Variants in GPR158 observed in about 807,000 individuals in gnomAD.
GPR158 encodes the protein metabotropic glycine receptor.
Under a neutral mutation model 78.2 loss-of-function variants are expected in GPR158, and 30 were observed. That is an observed-to-expected ratio of 0.38 (90% CI 0.29 to 0.52). The LOEUF (loss-of-function observed/expected upper bound fraction) is 0.52. Ranked by LOEUF, GPR158 falls within the 20% of genes least tolerant of loss-of-function variation. GPR158 has a pLI of 0.83. For synonymous variants in GPR158, 581 were observed against 591.1 expected (o/e 0.98, Z 0.25); for missense variants, 1,463 against 1,523.5 (o/e 0.96, Z 0.66).
At chr10:25,548,254 A>G (rs981388663) in intron 5 of GPR158, among the ~76,000 whole-genome samples, 1 of 152,162 alleles carries the variant, frequency 6.6e-6, no homozygotes, top group African/African-American at 2.4e-5. Flanking sequence ...AGAGGCAACC[A>G]TACAGATAAC....
chr10:25,582,935 T>A (rs1837222622), intron 7 of GPR158, among the ~76,000 whole-genome samples: 1 of 152,194 alleles, frequency 6.6e-6, no homozygotes, highest in Non-Finnish European at 1.5e-5. Flanking sequence ...AATTGCTGCC[T>A]GGAAAAATAT....
rs527517598 is a variant in GPR158 at position 25,284,878 on chromosome 10, T to C, written c.1008+63721T>C. ...ACTGTTTCAATATAGTATAAATACT[T>C]TATAGCATTTTTTTCCTAATTACTT... On this transcript the variant is annotated intron_variant, in intron 2 of 10. Coordinates refer to ENST00000376351, the MANE Select transcript of GPR158 (RefSeq NM_020752.3). 2.9e-4 allele frequency among the ~76,000 whole-genome samples: 44 copies of C among 152,252 alleles called. No homozygotes were observed. The South Asian group carries it at 8.3e-3, about 29-fold the overall frequency.
intron 1 of GPR158, among the ~76,000 whole-genome samples, chr10:25,189,008 A>G (rs991520171): frequency 2.0e-5 from 3 of 152,242 alleles, no homozygotes; most frequent in African/African-American, 4.8e-5. Flanking sequence ...GAAGACATCT[A>G]TGCAGCCAAC....
At chr10:25,202,401 C>T (rs1852944304) in intron 1 of GPR158, among the ~76,000 whole-genome samples, 1 of 152,030 alleles carries the variant, frequency 6.6e-6, no homozygotes, top group African/African-American at 2.4e-5. Flanking sequence ...TATCTCTACC[C>T]ACTCCCGCCA....
At chr10:25,523,163 G>A (rs540426508) in intron 5 of GPR158, among the ~76,000 whole-genome samples, 2 of 152,282 alleles carry the variant, frequency 1.3e-5, no homozygotes, top group East Asian at 1.9e-4. Context: ...CCATGCACAA[G>A]GGTCAGATGG....
intron 5 of GPR158, among the ~76,000 whole-genome samples, chr10:25,489,538 A>C (rs924214256): frequency 3.3e-5 from 5 of 152,172 alleles, no homozygotes; most frequent in African/African-American, 1.2e-4. Flanking sequence ...AAAGAATACA[A>C]AGGTTTCACA....
At chr10:25,556,532 C>T (rs1228512563) in intron 6 of GPR158, among the ~76,000 whole-genome samples, 1 of 152,168 alleles carries the variant, frequency 6.6e-6, no homozygotes, top group Non-Finnish European at 1.5e-5. Flanking sequence ...TCTTTACTGG[C>T]TGCCTACTCT....
intron 5 of GPR158, among the ~76,000 whole-genome samples, chr10:25,548,467 A>G (rs971450827): frequency 6.6e-6 from 1 of 152,206 alleles, no homozygotes; most frequent in East Asian, 1.9e-4. Context: ...TTGAATACTC[A>G]TTGTACCAGG....
chr10:25,421,998 G>A (rs1834758385), intron 4 of GPR158, among the ~76,000 whole-genome samples: 1 of 152,094 alleles, frequency 6.6e-6, no homozygotes, highest in Admixed American at 6.6e-5. Context: ...TTGCTTTTGA[G>A]TTCTGACTTT....
intron 2 of GPR158, among the ~76,000 whole-genome samples, chr10:25,251,457 G>T (rs1853798610): frequency 6.6e-6 from 1 of 151,900 alleles, no homozygotes; most frequent in Non-Finnish European, 1.5e-5. Flanking sequence ...GGTACTGGTT[G>T]TTCCTTTCCA....
intron 2 of GPR158, among the ~76,000 whole-genome samples, chr10:25,327,684 T>C (rs925717665): frequency 2.6e-5 from 4 of 152,204 alleles, no homozygotes; most frequent in African/African-American, 9.6e-5. Flanking sequence ...CTGCTACTAT[T>C]GATAGGACAG....
At chr10:25,277,068 A>G (rs1321968733) in intron 2 of GPR158, among the ~76,000 whole-genome samples, 1 of 151,586 alleles carries the variant, frequency 6.6e-6, no homozygotes, top group Non-Finnish European at 1.5e-5. Flanking sequence ...TCCTGCCTCA[A>G]CCTCCTGAGT....
chr10:25,594,763 G>A (rs1047993237), intron 9 of GPR158, among the ~76,000 whole-genome samples: 5 of 151,952 alleles, frequency 3.3e-5, no homozygotes, highest in African/African-American at 1.2e-4. Flanking sequence ...TCTTATGTTT[G>A]GAACATTCAA....
chr10:25,259,947 A>G (rs777897573), intron 2 of GPR158, among the ~76,000 whole-genome samples: 1 of 152,102 alleles, frequency 6.6e-6, no homozygotes, highest in African/African-American at 2.4e-5. Context: ...CTATAAATCT[A>G]GTAAACTTTT....
intron 2 of GPR158, among the ~76,000 whole-genome samples, chr10:25,258,522 A>G (rs1853920602): frequency 6.6e-6 from 1 of 152,112 alleles, no homozygotes; most frequent in Admixed American, 6.6e-5. Context: ...TGAATCATAG[A>G]AATATTTTCT....
chr10:25,290,128 G>C (rs1242419187), intron 2 of GPR158, among the ~76,000 whole-genome samples: 2 of 152,198 alleles, frequency 1.3e-5, no homozygotes, highest in Admixed American at 6.5e-5. Flanking sequence ...TAGCATTATA[G>C]TTAAAACCCA....
At chr10:25,411,729 A>G (rs1233650673) in intron 3 of GPR158, among the ~76,000 whole-genome samples, 1 of 151,894 alleles carries the variant, frequency 6.6e-6, no homozygotes, top group Non-Finnish European at 1.5e-5. Flanking sequence ...AGGTCCGGAG[A>G]TCGAGACCAT....
At chr10:25,490,488 T>G (rs1486864139) in intron 5 of GPR158, among the ~76,000 whole-genome samples, 2 of 114,770 alleles carry the variant, frequency 1.7e-5, no homozygotes, top group Admixed American at 1.2e-4. Context: ...TTCCCCTTCC[T>G]GTGTCCATGT....
intron 4 of GPR158, among the ~76,000 whole-genome samples, chr10:25,452,924 C>T (rs1588871396): frequency 6.6e-6 from 1 of 152,186 alleles, no homozygotes; most frequent in South Asian, 2.1e-4. Context: ...ATTCTACTCT[C>T]TGTTGCCATG....
Sources: allele counts gnomAD v4.1 joint callset (sites outside exome capture counted in the v4.1 genomes callset), GRCh38; gene constraint gnomAD v4.1.1; transcripts MANE v1.5; gene names NCBI Gene and HGNC (gene_info 2026-07-23, HGNC 2026-07-21).